TP53BP1: variants seen among roughly 807,000 people sequenced by gnomAD.
The protein encoded by TP53BP1 is tumor protein p53 binding protein 1.
In TP53BP1, 61 loss-of-function variants were observed where a neutral mutation model predicts 200.8. The observed-to-expected ratio is 0.30, with a 90% CI of 0.25 to 0.38. The LOEUF is 0.38. Ranked by LOEUF, TP53BP1 falls within the 10% of genes least tolerant of loss-of-function variation. The pLI is 1.00. For synonymous variants in TP53BP1, 822 were observed against 844.3 expected (o/e 0.97, Z 0.46); for missense variants, 2,144 against 2,371.9 (o/e 0.90, Z 2.00).
intron 8 of TP53BP1, among the ~76,000 whole-genome samples, chr15:43,476,355 C>T (rs936261796): frequency 6.6e-6 from 1 of 152,202 alleles, no homozygotes; most frequent in African/African-American, 2.4e-5. Flanking sequence ...TATTAAAAAA[C>T]AGCAAATGAG....
rs1429278770 is a variant in TP53BP1, at chr15:43,405,023, TTCTC to T, written c.*2356_*2359del. 7.7e-6 allele frequency: 5 copies of T among 647,276 alleles called. No homozygotes were observed. The highest frequency in any genetic ancestry group is 1.1e-5 in the Non-Finnish European group (4 of 380,242). The allele number at this position is 647,276 out of a possible 1,614,324, so 40.1% of individuals were successfully genotyped here. On this transcript the variant is annotated 3_prime_UTR_variant, in exon 28 of 28. Transcript: ENST00000382044. ...ATTCAGAAAATCACTTCATTGTCCT[TTCTC>T]TCTAAAATGTCTGCAAGCAGATTTT...
At chr15:43,472,540 A>T (rs1447862410) in intron 10 of TP53BP1, among the ~76,000 whole-genome samples, 1 of 152,214 alleles carries the variant, frequency 6.6e-6, no homozygotes, top group Non-Finnish European at 1.5e-5. Flanking sequence ...TAAGTCGTCA[A>T]AGGAGTAAAT....
At chr15:43,415,533 G>A (rs761621593) in intron 23 of TP53BP1, 61 bp downstream of exon 23, 2 of 1,572,762 alleles carry the variant, frequency 1.3e-6, no homozygotes, top group Admixed American at 1.7e-5. Flanking sequence ...CATTTTTCCA[G>A]CAGCTGACCC....
At chr15:43,423,594 G>GC (rs1184520173) in intron 18 of TP53BP1, among the ~76,000 whole-genome samples, 1 of 105,534 alleles carries the variant, frequency 9.5e-6, no homozygotes, top group East Asian at 2.4e-4. Flanking sequence ...GGGAGATGGA[G>GC]CTGCAGTGAG....
At chr15:43,426,887 G>A (rs1389228739) in intron 18 of TP53BP1, among the ~76,000 whole-genome samples, 8 of 151,060 alleles carry the variant, frequency 5.3e-5, no homozygotes, top group Non-Finnish European at 1.0e-4. Flanking sequence ...GCACGGTGGC[G>A]GGTGCCTGCA....
intron 24 of TP53BP1, among the ~76,000 whole-genome samples, chr15:43,411,605 C>T (rs1425702343): frequency 2.0e-5 from 3 of 152,218 alleles, no homozygotes; most frequent in African/African-American, 2.4e-5. Context: ...CATTCTCATA[C>T]ACTGAAAATA....
At position 43,457,223 on chromosome 15, in the gene TP53BP1, G is replaced by T. The variant is rs1392601222; in HGVS notation, c.1390-5C>A. 7.6e-6 allele frequency: 12 copies of T among 1,583,056 alleles called. No homozygotes were observed. Among genetic ancestry groups the T allele is most frequent in the South Asian group, 1.2e-5 (1 of 86,334 alleles). On this transcript the variant is annotated splice_polypyrimidine_tract_variant and splice_region_variant and intron_variant, in intron 11 of 27. Transcript: ENST00000382044. ...TGGGGAAGGAATAAAAATGTCCTAA[G>T]GAAGAACAGAAAGAGACAAATTGTA...
intron 12 of TP53BP1, among the ~76,000 whole-genome samples, chr15:43,452,548 G>A (rs1424498625): frequency 6.6e-6 from 1 of 152,148 alleles, no homozygotes; most frequent in Admixed American, 6.6e-5. Flanking sequence ...GGGCGACAGA[G>A]TGAGACCCTG....
chr15:43,470,657 T>G (rs2046703638), intron 10 of TP53BP1, among the ~76,000 whole-genome samples: 1 of 152,114 alleles, frequency 6.6e-6, no homozygotes, highest in Admixed American at 6.6e-5. Flanking sequence ...TGACACACAT[T>G]AGGAGGGAAC....
chr15:43,428,143 T>C lies in TP53BP1; in HGVS notation c.3701A>G (p.Gln1234Arg), dbSNP rs1227863731. 6.2e-7 allele frequency: 1 copy of C among 1,613,892 alleles called. No homozygotes were observed. The highest frequency in any genetic ancestry group is 1.3e-5 in the African/African-American group (1 of 74,918). The change falls in exon 18 of 28, where the codon CAG becomes CGG. Residue 1234 changes from glutamine to arginine, a missense_variant. Physicochemically the swap from Gln to Arg is conservative, Grantham distance 43. Coordinates refer to ENST00000382044, the MANE Select transcript of TP53BP1 (RefSeq NM_001141980.3). ...SQGEEEFDMP[Q>R]PPHGHVLHRH... The stretch of plus-strand genomic sequence containing the variant: ...ATGTAAGACATGGCCATGTGGAGGC[T>C]GAGGCATATCAAACTCTTCTTCTCC...
chr15:43,444,857 TC>T (rs753220883), intron 14 of TP53BP1, among the ~76,000 whole-genome samples: 1 of 152,248 alleles, frequency 6.6e-6, no homozygotes, highest in Non-Finnish European at 1.5e-5. Context: ...TTCCCCCAAT[TC>T]CCTCGTCTTT....
In TP53BP1 at chr15:43,428,076, A is replaced by T; in HGVS notation, c.3768T>A (p.Thr1256=). 1 of 1,613,144 alleles carries T rather than the reference A, an allele frequency of 6.2e-7. No homozygotes were observed. Among genetic ancestry groups the T allele is most frequent in the Non-Finnish European group, 8.5e-7 (1 of 1,179,132 alleles). ...RTIREVRTLV[T]RVITDVYYVD... ...CATAATACACATCTGTAATGACACG[A>T]GTGACAAGTGTGCGTACTTCCCGGA... Residue 1256 remains threonine, a synonymous_variant, in exon 18 of 28, where the codon ACT becomes ACA. Transcript: ENST00000382044.
intron 16 of TP53BP1, among the ~76,000 whole-genome samples, chr15:43,434,229 G>A (rs1324487787): frequency 3.3e-5 from 5 of 152,090 alleles, no homozygotes; most frequent in Non-Finnish European, 7.3e-5. Context: ...GTTTATAAAT[G>A]TTCATATATG....
Position 43,455,821 on chromosome 15 carries a change from C to A in TP53BP1, c.2716+71G>T, listed in dbSNP as rs144141091. ...AGTGTTCACTCCTGACATAAGCATG[C>A]AGTTCTCGCCAACTTTCCATTCCAG... On this transcript the variant is annotated intron_variant, in intron 12 of 27. Transcript: ENST00000382044. The A allele has an allele frequency of 1.2e-4, 192 of 1,543,464 alleles. No homozygotes were observed. The African/African-American group carries it at 2.4e-3, about 19-fold the overall frequency.
chr15:43,489,878 G>A (rs532113581), intron 4 of TP53BP1, among the ~76,000 whole-genome samples: 15 of 152,112 alleles, frequency 9.9e-5, no homozygotes, highest in Non-Finnish European at 1.3e-4. Context: ...AAAAAATTAC[G>A]TACAGACACA....
chr15:43,448,567 T>C (rs982269742), intron 12 of TP53BP1, among the ~76,000 whole-genome samples: 7 of 150,310 alleles, frequency 4.7e-5, no homozygotes, highest in Non-Finnish European at 7.4e-5. Context: ...TGAGACGGAG[T>C]CTGGCTCTGT....
chr15:43,407,683 A>G (rs909970536), intron 27 of TP53BP1, 113 bp from the exon 28 acceptor site: 24 of 1,054,820 alleles, frequency 2.3e-5, no homozygotes, highest in South Asian at 3.3e-5. Context: ...CCAAAGCCCT[A>G]TTATGTCAAA....
chr15:43,428,056 T>C lies in TP53BP1; in HGVS notation c.3788A>G (p.Tyr1263Cys). The C allele has an allele frequency of 1.9e-6, 3 of 1,612,682 alleles. No homozygotes were observed. Among genetic ancestry groups the C allele is most frequent in the Non-Finnish European group, 2.5e-6 (3 of 1,178,886 alleles). The change falls in exon 18 of 28, where the codon TAT becomes TGT. Residue 1263 changes from tyrosine (Y) to cysteine (C), a missense_variant. Transcript: ENST00000382044. ...TLVTRVITDVYYVDGTEVERK... is the reference protein window; with the variant it reads ...TLVTRVITDVCYVDGTEVERK... ...TTCTACTTCTGTTCCATCCACATAA[T>C]ACACATCTGTAATGACACGAGTGAC...
chr15:43,427,969 AAAAAG>A, intron 18 of TP53BP1, 42 bp downstream of exon 18: 27 of 1,416,942 alleles, frequency 1.9e-5, no homozygotes, highest in Middle Eastern at 3.9e-4. Flanking sequence ...AAAAAAAAAA[AAAAAG>A]AAAGAAAGAA....
Sources: allele counts gnomAD v4.1 joint callset (sites outside exome capture counted in the v4.1 genomes callset), GRCh38; gene constraint gnomAD v4.1.1; transcripts MANE v1.5; gene names NCBI Gene and HGNC (gene_info 2026-07-23, HGNC 2026-07-21).